GPR158: variants seen among roughly 807,000 people sequenced by gnomAD.
GPR158 encodes metabotropic glycine receptor.
Under a neutral mutation model 78.2 loss-of-function variants are expected in GPR158, and 30 were observed. The ratio of observed to expected loss-of-function variants is 0.38; its 90% confidence interval spans 0.29 to 0.52. The LOEUF (loss-of-function observed/expected upper bound fraction) is 0.52. GPR158 is among the 20% of genes least tolerant of loss of function. The pLI is 0.83. For synonymous variants in GPR158, 581 were observed against 591.1 expected (o/e 0.98, Z 0.25); for missense variants, 1,463 against 1,523.5 (o/e 0.96, Z 0.66).
At chr10:25,576,918 A>T (rs902128347) in intron 7 of GPR158, among the ~76,000 whole-genome samples, 1 of 149,494 alleles carries the variant, frequency 6.7e-6, no homozygotes, top group African/African-American at 2.5e-5. Context: ...CCTATAAACT[A>T]CTGTAACACC....
intron 4 of GPR158, among the ~76,000 whole-genome samples, chr10:25,465,556 C>G (rs1835410018): frequency 6.6e-6 from 1 of 152,142 alleles, no homozygotes; most frequent in Non-Finnish European, 1.5e-5. Flanking sequence ...AAAATCAAAT[C>G]AACTAATTCT....
intron 1 of GPR158, among the ~76,000 whole-genome samples, chr10:25,209,397 G>A (rs1473565322): frequency 6.6e-6 from 1 of 151,918 alleles, no homozygotes; most frequent in Admixed American, 6.6e-5. Flanking sequence ...AGTAACAGTG[G>A]TAATTCAGTG....
At chr10:25,353,870 C>G (rs149408965) in intron 2 of GPR158, among the ~76,000 whole-genome samples, 8 of 152,000 alleles carry the variant, frequency 5.3e-5, no homozygotes, top group African/African-American at 1.9e-4. Flanking sequence ...TAAGTAAGAA[C>G]TTAGCTCTGC....
At chr10:25,553,101 G>A (rs1836747642) in intron 6 of GPR158, among the ~76,000 whole-genome samples, 1 of 151,782 alleles carries the variant, frequency 6.6e-6, no homozygotes, top group Non-Finnish European at 1.5e-5. Flanking sequence ...TCTATTTATG[G>A]AAAGTGTGAC....
At chr10:25,422,137 G>A (rs1217053105) in intron 4 of GPR158, among the ~76,000 whole-genome samples, 3 of 152,128 alleles carry the variant, frequency 2.0e-5, no homozygotes, top group East Asian at 1.9e-4. Flanking sequence ...TGGCAACAAC[G>A]TGGCTCTGGG....
At chr10:25,308,804 A>G (rs1433591315) in intron 2 of GPR158, among the ~76,000 whole-genome samples, 2 of 152,138 alleles carry the variant, frequency 1.3e-5, no homozygotes, top group East Asian at 3.9e-4. Flanking sequence ...AGTGAATCAT[A>G]TAGTATATTT....
intron 2 of GPR158, among the ~76,000 whole-genome samples, chr10:25,295,280 T>C (rs1174254880): frequency 2.0e-5 from 3 of 152,248 alleles, no homozygotes; most frequent in Non-Finnish European, 4.4e-5. Context: ...TGTTGTCTTA[T>C]GTGGTCTCCT....
chr10:25,360,674 T>C (rs151237999), intron 2 of GPR158, among the ~76,000 whole-genome samples: 1 of 152,000 alleles, frequency 6.6e-6, no homozygotes, highest in Non-Finnish European at 1.5e-5. Context: ...CTTGTAGTAT[T>C]GTTTGAAGTC....
chr10:25,500,853 G>T (rs1316839638), intron 5 of GPR158, among the ~76,000 whole-genome samples: 1 of 152,162 alleles, frequency 6.6e-6, no homozygotes, highest in African/African-American at 2.4e-5. Context: ...GCAAAAATAG[G>T]TTGCTGTGTT....
At position 25,580,122 on chromosome 10, in the gene GPR158, C is replaced by T. The variant is rs1050173589; in HGVS notation, c.1753+7235C>T. Among the ~76,000 whole-genome samples, 14 of 152,204 alleles carry T rather than the reference C, an allele frequency of 9.2e-5. No homozygotes were observed. In the East Asian group the frequency reaches 1.7e-3, roughly 19 times the overall value. On this transcript the variant is annotated intron_variant, in intron 7 of 10. Transcript: ENST00000376351. ...TTATTCACCACATTGAAAAGAAAGA[C>T]GTAAATGAAGATACAAGCAATAATT...
chr10:25,222,294 C>T (rs953890072), intron 2 of GPR158, among the ~76,000 whole-genome samples: 7 of 151,932 alleles, frequency 4.6e-5, no homozygotes, highest in Non-Finnish European at 1.0e-4. Flanking sequence ...CCACACTCTC[C>T]ACAGCATCCC....
At chr10:25,473,487 A>G (rs545401661) in intron 5 of GPR158, among the ~76,000 whole-genome samples, 1 of 152,084 alleles carries the variant, frequency 6.6e-6, no homozygotes, top group East Asian at 1.9e-4. Context: ...GTTAGGGAGG[A>G]TTCCCTCTTT....
At chr10:25,568,727 T>C (rs1036314815) in intron 6 of GPR158, among the ~76,000 whole-genome samples, 1 of 152,208 alleles carries the variant, frequency 6.6e-6, no homozygotes, top group Non-Finnish European at 1.5e-5. Flanking sequence ...ATGATTTCCA[T>C]GAATTTATCT....
intron 9 of GPR158, among the ~76,000 whole-genome samples, chr10:25,595,082 C>T (rs1007840287): frequency 1.3e-5 from 2 of 152,092 alleles, no homozygotes; most frequent in Admixed American, 1.3e-4. Flanking sequence ...TTATTTTCCT[C>T]TTTTATACAT....
At chr10:25,393,712 A>G (rs944768792) in intron 2 of GPR158, 1 of 152,200 alleles carries the variant, frequency 6.6e-6, no homozygotes, top group African/African-American at 2.4e-5. Flanking sequence ...TTGACCTAGC[A>G]AGTAGCTTCA....
At chr10:25,552,647 T>G (rs771822587) in intron 6 of GPR158, among the ~76,000 whole-genome samples, 1 of 152,204 alleles carries the variant, frequency 6.6e-6, no homozygotes, top group Non-Finnish European at 1.5e-5. Flanking sequence ...GGGACATGTT[T>G]AATACATATG....
chr10:25,439,169 A>G (rs899993703), intron 4 of GPR158, among the ~76,000 whole-genome samples: 3 of 152,248 alleles, frequency 2.0e-5, no homozygotes, highest in Non-Finnish European at 4.4e-5. Flanking sequence ...TACAAAAGAA[A>G]GAGATTTAAT....
At chr10:25,402,744 T>A (rs1834464385) in intron 3 of GPR158, among the ~76,000 whole-genome samples, 1 of 152,004 alleles carries the variant, frequency 6.6e-6, no homozygotes, top group Non-Finnish European at 1.5e-5. Flanking sequence ...TTAAATGATA[T>A]CACAGTTATA....
intron 5 of GPR158, among the ~76,000 whole-genome samples, chr10:25,490,603 C>T (rs1048952031): frequency 6.7e-6 from 1 of 150,316 alleles, no homozygotes; most frequent in South Asian, 2.1e-4. Flanking sequence ...TCATCCATGT[C>T]CCTACAAAGG....
Sources: allele counts gnomAD v4.1 joint callset (sites outside exome capture counted in the v4.1 genomes callset), GRCh38; gene constraint gnomAD v4.1.1; transcripts MANE v1.5; gene names NCBI Gene and HGNC (gene_info 2026-07-23, HGNC 2026-07-21).